MBP: variants seen among roughly 807,000 people sequenced by gnomAD.
MBP encodes myelin basic protein, also known as Golli-MBP.
In MBP, 16 loss-of-function variants were observed where a neutral mutation model predicts 35.8. That is an observed-to-expected ratio of 0.45 (90% CI 0.30 to 0.68). The LOEUF (loss-of-function observed/expected upper bound fraction) is 0.68, where lower values mean the gene tolerates loss of function less well. Ranked by LOEUF, MBP falls within the 30% of genes least tolerant of loss-of-function variation. The probability of loss-of-function intolerance (pLI) is 0.08; values close to 1 mark genes in which losing one functional copy is unlikely to be tolerated. For synonymous variants in MBP, 143 were observed against 159.6 expected (o/e 0.90, Z 0.78); for missense variants, 380 against 404.7 (o/e 0.94, Z 0.52).
chr18:77,081,831 C>CATATATATACACACACTATATAT (rs372151927), intron 2 of MBP, among the ~76,000 whole-genome samples: 3 of 50,144 alleles, frequency 6.0e-5, no homozygotes, highest in Non-Finnish European at 9.4e-5. Flanking sequence ...CACACACACA[C>CATATATATACACACACTATATAT]ACACACACAC....
chr18:76,997,894 G>C (rs112470005), intron 4 of MBP, among the ~76,000 whole-genome samples: 479 of 152,018 alleles, frequency 3.2e-3, no homozygotes, highest in Non-Finnish European at 5.6e-3. Context: ...GTGTTAGCCA[G>C]GATGGTCTCG....
chr18:77,046,293 G>T (rs575530561), intron 3 of MBP, among the ~76,000 whole-genome samples: 4 of 152,148 alleles, frequency 2.6e-5, no homozygotes, highest in African/African-American at 4.8e-5. Context: ...GCTTACTCCC[G>T]CATTAGCAAG....
intron 2 of MBP, among the ~76,000 whole-genome samples, chr18:77,088,349 G>A (rs1975352444): frequency 6.6e-6 from 1 of 152,158 alleles, no homozygotes; most frequent in Admixed American, 6.5e-5. Flanking sequence ...CATCCATGAA[G>A]GAGGGGCCTG....
At chr18:77,073,306 A>T (rs1434868364) in intron 2 of MBP, among the ~76,000 whole-genome samples, 1 of 152,236 alleles carries the variant, frequency 6.6e-6, no homozygotes, top group Non-Finnish European at 1.5e-5. Flanking sequence ...GCTCATGTTA[A>T]GAACAGTGGC....
intron 3 of MBP, among the ~76,000 whole-genome samples, chr18:77,029,016 G>A (rs376175159): frequency 0.014 from 1,470 of 107,068 alleles, 85 homozygotes; most frequent in East Asian, 0.087. Flanking sequence ...GGTGGCGGCC[G>A]GGCAGAGGCT....
intron 2 of MBP, among the ~76,000 whole-genome samples, chr18:77,092,246 C>T (rs999563498): frequency 3.9e-5 from 6 of 152,264 alleles, no homozygotes; most frequent in Non-Finnish European, 8.8e-5. Context: ...CAGCGCTGAG[C>T]AGACTGGTGA....
chr18:76,998,202 ACTT>A (rs1033014291), intron 4 of MBP, among the ~76,000 whole-genome samples: 59 of 152,198 alleles, frequency 3.9e-4, no homozygotes, highest in African/African-American at 1.3e-3. Flanking sequence ...CGTTCAAGTC[ACTT>A]CTTCTCTATG....
rs1194846690 is a variant in MBP at position 77,066,279 on chromosome 18, C to T, written c.139+19G>A. ...CTGTCACCATGTGGCGCCATGTTGC[C>T]GATATCTGCGTCACCTACCGAACAC... On this transcript the variant is annotated intron_variant, in intron 3 of 8. Coordinates refer to ENST00000355994, the MANE Select transcript of MBP (RefSeq NM_001025101.2). 9 of 1,598,028 alleles carry T rather than the reference C, an allele frequency of 5.6e-6. No homozygotes were observed. Among genetic ancestry groups the T allele is most frequent in the South Asian group, 2.2e-5 (2 of 89,830 alleles).
In MBP at chr18:76,979,279, G is replaced by A. The variant is rs570957368; in HGVS notation, c.*1148C>T. On this transcript the variant is annotated 3_prime_UTR_variant, in exon 9 of 9. Coordinates refer to ENST00000355994, the MANE Select transcript of MBP (RefSeq NM_001025101.2). The stretch of plus-strand genomic sequence containing the variant: ...TGCCAGCGGGTGTTAAGAAGGATAT[G>A]GTCAGAAGAGCTCTTTGTCTCCATC... The A allele has an allele frequency of 3.9e-5, 6 of 152,228 alleles. No individual in the cohort carries two copies. The East Asian group carries it at 1.2e-3, about 30-fold the overall frequency. 9.4% of individuals were successfully genotyped at this position (152,228 alleles called of 1,614,324 possible).
chr18:77,046,434 G>A (rs905594149), intron 3 of MBP, among the ~76,000 whole-genome samples: 1 of 152,230 alleles, frequency 6.6e-6, no homozygotes, highest in Non-Finnish European at 1.5e-5. Flanking sequence ...GTTCATCCAC[G>A]GCATGAAGAC....
chr18:77,025,880 T>C (rs2282570), intron 3 of MBP, among the ~76,000 whole-genome samples: 81,915 of 151,598 alleles, frequency 0.54, 23,722 homozygotes, highest in East Asian at 0.75. Context: ...CAGGCCGAGG[T>C]TCCGCTGCTG....
intron 4 of MBP, chr18:77,012,858 T>A: frequency 3.0e-6 from 3 of 985,350 alleles, no homozygotes; most frequent in Non-Finnish European, 3.6e-6. Flanking sequence ...CAAAAGCTCA[T>A]AATAAAATTA....
rs1264320592 is a variant in MBP, at chr18:77,131,097, A to G, written c.-26+1483T>C. On this transcript the variant is annotated intron_variant, in intron 1 of 8. Transcript: ENST00000355994. The surrounding 1 kb of genome is among the most constrained non-coding windows in gnomAD (Gnocchi z 5.5). ...CGCGCACGCACGCGCACACACACAC[A>G]CACACACACACACACACACACACCC... is the stretch of plus-strand genomic sequence containing the variant. 6.3e-5 allele frequency among the ~76,000 whole-genome samples: 5 copies of G among 79,086 alleles called. No individual in the cohort carries two copies. The highest frequency in any genetic ancestry group is 1.0e-3 in the South Asian group (2 of 1,992). The allele number at this position is 79,086 out of a possible 152,430, so 51.9% of individuals were successfully genotyped here. A position where few individuals can be genotyped will look rare whatever the true frequency, so the allele number is the denominator to read the frequency against.
At chr18:77,019,879 G>T (rs1210567751) in intron 3 of MBP, among the ~76,000 whole-genome samples, 2 of 152,204 alleles carry the variant, frequency 1.3e-5, no homozygotes, top group Non-Finnish European at 2.9e-5. Flanking sequence ...GGCCATGCTG[G>T]TTCTGGGTCC....
At chr18:77,053,481 T>A (rs1434927408) in intron 3 of MBP, among the ~76,000 whole-genome samples, 1 of 152,236 alleles carries the variant, frequency 6.6e-6, no homozygotes, top group African/African-American at 2.4e-5. Flanking sequence ...CCAGGGACAT[T>A]TTGTCAGTTG....
intron 1 of MBP, among the ~76,000 whole-genome samples, chr18:77,107,784 C>G (rs1288177280): frequency 6.6e-6 from 1 of 152,230 alleles, no homozygotes; most frequent in African/African-American, 2.4e-5. Flanking sequence ...GAAAATAACT[C>G]AAGTCCAGAT....
intron 3 of MBP, among the ~76,000 whole-genome samples, chr18:77,036,715 AG>A (rs1340608804): frequency 6.6e-5 from 9 of 135,604 alleles, no homozygotes; most frequent in South Asian, 2.5e-4. Flanking sequence ...CACATTTTGG[AG>A]GACTGAGCTG....
chr18:76,986,672 G>A, intron 7 of MBP: 2 of 985,540 alleles, frequency 2.0e-6, no homozygotes, highest in Middle Eastern at 5.2e-4. Flanking sequence ...GAGGTTTCCA[G>A]GTTCATGCTC....
intron 1 of MBP, among the ~76,000 whole-genome samples, chr18:77,129,545 G>C (rs1202930974): frequency 6.6e-6 from 1 of 152,198 alleles, no homozygotes; most frequent in Non-Finnish European, 1.5e-5. Flanking sequence ...TCCACTACAG[G>C]TTTTGACAGA....
Sources: gnomAD v4.1 joint callset for allele counts (sites outside exome capture counted in the v4.1 genomes callset) on GRCh38, gnomAD v4.1.1 for gene constraint, Gnocchi (gnomAD v3.1) non-coding constraint, MANE v1.5 for transcripts, NCBI Gene and HGNC (gene_info 2026-07-23, HGNC 2026-07-21) for gene names.